The following NECAB2 variants were observed in gnomAD, a reference collection of about 807,000 sequenced individuals.
NECAB2 encodes N-terminal EF-hand calcium-binding protein 2.
NECAB2 carries 68 observed loss-of-function variants against 51.9 expected under a neutral mutation model. The ratio of observed to expected loss-of-function variants is 1.31; its 90% CI spans 1.08 to 1.60. The LOEUF is 1.60. Among genes scored for constraint, NECAB2 ranks in the 40% most tolerant of loss-of-function variants. The pLI is 0.00. For missense variants in NECAB2, 854 were observed against 490.3 expected, an observed-to-expected ratio of 1.74 and a Z score of -7.00; for synonymous variants, 329 against 203.5, an observed-to-expected ratio of 1.62 and a Z score of -5.25.
At position 83,994,307 on chromosome 16, in the gene NECAB2, A is replaced by G. The variant is rs1165451464; in HGVS notation, c.602A>G (p.Asn201Ser). The change falls in exon 7 of 13, where the codon AAC becomes AGC. Residue 201 changes from asparagine to serine, a missense_variant. Transcript: ENST00000305202. ...TGTTCCCATCCAAACTGCAGACAGA[A>G]CCACATCAAACCCAGCCACAGCGCG... is the stretch of plus-strand genomic sequence containing the variant. Reference protein sequence around the residue: ...IEEQTSQLRQNHIKPSHSAAQ... With the variant: ...IEEQTSQLRQSHIKPSHSAAQ... 5.6e-6 allele frequency: 9 copies of G among 1,614,192 alleles called. No homozygotes were observed. The highest frequency in any genetic ancestry group is 5.9e-6 in the Non-Finnish European group (7 of 1,180,022).
intron 2 of NECAB2, among the ~76,000 whole-genome samples, chr16:83,977,911 G>C (rs140425799): frequency 3.2e-4 from 48 of 152,308 alleles, no homozygotes; most frequent in African/African-American, 9.4e-4. Flanking sequence ...ACCACTTGGC[G>C]TTTGGAAGCT....
At chr16:83,977,317 G>A (rs1397305129) in intron 2 of NECAB2, among the ~76,000 whole-genome samples, 2 of 152,106 alleles carry the variant, frequency 1.3e-5, no homozygotes, top group Non-Finnish European at 2.9e-5. Flanking sequence ...GGAGGTGGCT[G>A]CAGGGCAGGT....
At chr16:83,981,540 A>C (rs969780008) in intron 5 of NECAB2, among the ~76,000 whole-genome samples, 1 of 152,148 alleles carries the variant, frequency 6.6e-6, no homozygotes, top group African/African-American at 2.4e-5. Context: ...CTCGATGCTC[A>C]GCACCTGGTT....
chr16:83,973,026 T>C (rs902715113), intron 2 of NECAB2, among the ~76,000 whole-genome samples: 2 of 152,230 alleles, frequency 1.3e-5, no homozygotes, highest in African/African-American at 4.8e-5. Context: ...TTGCCCTGCC[T>C]CCTTCCCTGG....
intron 5 of NECAB2, among the ~76,000 whole-genome samples, chr16:83,989,573 C>G (rs895509501): frequency 2.0e-5 from 3 of 152,186 alleles, no homozygotes; most frequent in African/African-American, 7.2e-5. Flanking sequence ...AAGGCGGGGT[C>G]TTGGCAGAGG....
rs891323839 is a variant in NECAB2, at chr16:83,969,652, G to T, written c.201+803G>T. Among the ~76,000 whole-genome samples, 4 of 152,210 alleles carry T rather than the reference G, an allele frequency of 2.6e-5. No individual in the cohort carries two copies. In the South Asian group the frequency reaches 8.3e-4, roughly 32 times the overall value. On this transcript the variant is annotated intron_variant, in intron 1 of 12. Coordinates refer to ENST00000305202, the MANE Select transcript of NECAB2 (RefSeq NM_019065.3). ...CCTCCCACCCGCCCCACCCGGGAGG[G>T]AGGAATCTTCAGGGGGCGGCTCGGA...
chr16:83,971,338 T>C (rs969944824), intron 1 of NECAB2: 1 of 152,118 alleles, frequency 6.6e-6, no homozygotes, highest in African/African-American at 2.4e-5. Flanking sequence ...CACCCTGGGG[T>C]GTGGCCCGGG....
chr16:83,971,330 C>T (rs952182133), intron 1 of NECAB2: 1 of 152,214 alleles, frequency 6.6e-6, no homozygotes, highest in African/African-American at 2.4e-5. Context: ...GATTCAGTCA[C>T]CCTGGGGTGT....
rs371184099 is a variant in NECAB2, at chr16:83,994,325, A to T, written c.620A>T (p.His207Leu). ...AGACAGAACCACATCAAACCCAGCC[A>T]CAGCGCGGCACAGACCTGGTGTGGA... ...QLRQNHIKPS[H>L]SAAQTWCGSP... is the part of the protein sequence containing the mutation. The change falls in exon 7 of 13, where the codon CAC becomes CTC. Residue 207 changes from histidine (H) to leucine (L), a missense_variant. Physicochemically the swap from His to Leu is moderately conservative, Grantham distance 99 (BLOSUM62 -3). Transcript: ENST00000305202. 1 of 1,614,194 alleles carries T rather than the reference A, an allele frequency of 6.2e-7. No individual in the cohort carries two copies. The highest frequency in any genetic ancestry group is 8.5e-7 in the Non-Finnish European group (1 of 1,180,038).
At chr16:84,000,355 C>A (rs1338995154) in intron 10 of NECAB2, among the ~76,000 whole-genome samples, 1 of 98,606 alleles carries the variant, frequency 1.0e-5, no homozygotes, top group Non-Finnish European at 1.7e-5. Flanking sequence ...CATAGCAAGA[C>A]CCCATCTCTA....
chr16:83,991,800 C>A (rs1291892273), intron 6 of NECAB2, among the ~76,000 whole-genome samples: 1 of 151,064 alleles, frequency 6.6e-6, no homozygotes, highest in Non-Finnish European at 1.5e-5. Context: ...GCATGTAGTC[C>A]CACCCACACC....
At chr16:83,974,470 G>A (rs189960534) in intron 2 of NECAB2, among the ~76,000 whole-genome samples, 109 of 152,304 alleles carry the variant, frequency 7.2e-4, no homozygotes, top group African/African-American at 2.6e-3. Context: ...GTCCAGAGGG[G>A]TTTGATTCCT....
At chr16:83,985,707 A>G (rs1360780318) in intron 5 of NECAB2, among the ~76,000 whole-genome samples, 4 of 151,700 alleles carry the variant, frequency 2.6e-5, no homozygotes, top group East Asian at 1.9e-4. Context: ...TTTTCAACCT[A>G]TTATTTGAGC....
chr16:83,998,654 C>T (rs13333457), intron 10 of NECAB2, among the ~76,000 whole-genome samples: 7,391 of 152,264 alleles, frequency 0.049, 567 homozygotes, highest in African/African-American at 0.17. Context: ...GTGCCCCGTG[C>T]GCTCAGTCAG....
chr16:83,999,664 C>G (rs1361716337), intron 10 of NECAB2, among the ~76,000 whole-genome samples: 4 of 152,122 alleles, frequency 2.6e-5, no homozygotes, highest in African/African-American at 9.7e-5. Flanking sequence ...GCGGCATAGA[C>G]TATCAGCACC....
At chr16:83,988,249 T>C (rs192985245) in intron 5 of NECAB2, among the ~76,000 whole-genome samples, 1 of 152,338 alleles carries the variant, frequency 6.6e-6, no homozygotes, top group East Asian at 1.9e-4. Context: ...CTTCCCTTTT[T>C]TTATGCTTTC....
At chr16:83,984,049 G>A (rs2084521233) in intron 5 of NECAB2, among the ~76,000 whole-genome samples, 1 of 145,496 alleles carries the variant, frequency 6.9e-6, no homozygotes, top group Non-Finnish European at 1.5e-5. Context: ...AGGCTGGAGT[G>A]CAGTGGCACA....
At position 84,001,922 on chromosome 16, in the gene NECAB2, G is replaced by C; in HGVS notation, c.1132+6G>C. On this transcript the variant is annotated splice_donor_region_variant and intron_variant, in intron 12 of 12. Coordinates refer to ENST00000305202, the MANE Select transcript of NECAB2 (RefSeq NM_019065.3). ...CTCCAGGATCTTGGTGCCAGGTAGG[G>C]GGCAAAGGCCTGGAACTGCAGTGGC... 1 of 1,613,710 alleles carries C rather than the reference G, an allele frequency of 6.2e-7. No homozygotes were observed. Among genetic ancestry groups the C allele is most frequent in the Non-Finnish European group, 8.5e-7 (1 of 1,179,740 alleles).
chr16:83,972,691 G>T (rs532466530), intron 2 of NECAB2, among the ~76,000 whole-genome samples: 1 of 152,278 alleles, frequency 6.6e-6, no homozygotes, highest in Admixed American at 6.5e-5. Context: ...TGAAGGAAAC[G>T]GAGGCTCTCC....
Sources: allele counts gnomAD v4.1 joint callset (sites outside exome capture counted in the v4.1 genomes callset), GRCh38; gene constraint gnomAD v4.1.1; transcripts MANE v1.5; gene names NCBI Gene and HGNC (gene_info 2026-07-23, HGNC 2026-07-21).